Variants in ITGA4 observed in about 807,000 individuals in gnomAD.
ITGA4 encodes the protein integrin alpha-4.
ITGA4 carries 63 observed loss-of-function variants against 133.6 expected under a neutral mutation model. The observed-to-expected ratio is 0.47, with a 90% CI of 0.38 to 0.58. The LOEUF is 0.58. Among genes scored for constraint, ITGA4 ranks in the 20% least tolerant of loss-of-function variants. The pLI, the probability that ITGA4 is intolerant of heterozygous loss-of-function variation, is 0.00. For synonymous variants in ITGA4, 483 were observed against 438.0 expected, an observed-to-expected ratio of 1.10 and a Z score of -1.28; for missense variants, 1,076 against 1,252.7, an observed-to-expected ratio of 0.86 and a Z score of 2.13.
chr2:181,492,854 C>T (rs563997745), intron 10 of ITGA4, among the ~76,000 whole-genome samples: 1 of 152,168 alleles, frequency 6.6e-6, no homozygotes, highest in Non-Finnish European at 1.5e-5. Context: ...AATAAAAATT[C>T]TTATGATCAA....
At chr2:181,481,420 C>A (rs962582279) in intron 6 of ITGA4, among the ~76,000 whole-genome samples, 178 bp from the exon 7 acceptor site, 2 of 152,120 alleles carry the variant, frequency 1.3e-5, no homozygotes. Context: ...TAAAACATAT[C>A]AAAATTGCAT....
chr2:181,523,255 C>T lies in ITGA4; in HGVS notation c.2074-182C>T, dbSNP rs1042986067. The T allele has an allele frequency of 3.0e-5, 15 of 501,992 alleles. No individual in the cohort carries two copies. The highest frequency in any genetic ancestry group is 2.3e-4 in the African/African-American group (12 of 51,440). 31.1% of individuals were successfully genotyped at this position (501,992 alleles called of 1,614,324 possible). A position where few individuals can be genotyped will look rare whatever the true frequency, so the allele number is the denominator to read the frequency against. On this transcript the variant is annotated intron_variant, in intron 18 of 27. Transcript: ENST00000397033. This position sits in a 1 kb window ranked among gnomAD's most constrained non-coding sequence, Gnocchi z 4.2. ...ACATATATATACACATACATATATA[C>T]ACACATGCACACATATTTATATCAT...
At position 181,529,599 on chromosome 2, in the gene ITGA4, A is replaced by AT; in HGVS notation, c.2491dup (p.Ser831PhefsTer3). On this transcript the variant is annotated frameshift_variant, in exon 23 of 28. Coordinates refer to ENST00000397033, the MANE Select transcript of ITGA4 (RefSeq NM_000885.6). LOFTEE classifies it high-confidence loss of function. The stretch of plus-strand genomic sequence containing the variant: ...GTTAGTGTGGAAATAATGGTACCAA[A>AT]TTCTTTTAGCCCCCAAACTGATAAG... 1 of 1,610,368 alleles carries AT rather than the reference A, an allele frequency of 6.2e-7. No homozygotes were observed. Among genetic ancestry groups the AT allele is most frequent in the Non-Finnish European group, 8.5e-7 (1 of 1,176,884 alleles).
At chr2:181,506,400 T>C (rs1359060356) in intron 15 of ITGA4, among the ~76,000 whole-genome samples, 2 of 152,112 alleles carry the variant, frequency 1.3e-5, no homozygotes, top group Non-Finnish European at 2.9e-5. Context: ...ATTGTTATTA[T>C]TCCTATTTTC....
At chr2:181,461,702 A>G (rs1296628945) in intron 2 of ITGA4, among the ~76,000 whole-genome samples, 1 of 152,194 alleles carries the variant, frequency 6.6e-6, no homozygotes, top group Non-Finnish European at 1.5e-5. Context: ...TTATTCAAAT[A>G]TGTTTCCAGA....
Position 181,478,811 on chromosome 2 carries a change from GT to G in ITGA4, c.616del (p.Tyr206ThrfsTer5). 2 of 1,465,800 alleles carry G rather than the reference GT, an allele frequency of 1.4e-6. No individual in the cohort carries two copies. The highest frequency in any genetic ancestry group is 9.2e-7 in the Non-Finnish European group (1 of 1,090,146). 90.8% of individuals were successfully genotyped at this position (1,465,800 alleles called of 1,614,324 possible). A position where few individuals can be genotyped will look rare whatever the true frequency, so the allele number is the denominator to read the frequency against. ...NFASCQAGIS[S>X]FYTKDLIVMG... ...GCATCATGTCAAGCTGGAATATCCAGTTTTTACACAAAGGTAATTGTTCAAA... is the reference window on the plus strand; with the variant it reads ...GCATCATGTCAAGCTGGAATATCCAGTTTTACACAAAGGTAATTGTTCAAA... On this transcript the variant is annotated frameshift_variant, in exon 5 of 28. Coordinates refer to ENST00000397033, the MANE Select transcript of ITGA4 (RefSeq NM_000885.6). LOFTEE classifies it high-confidence loss of function.
At chr2:181,488,671 G>A (rs755683522) in intron 10 of ITGA4, among the ~76,000 whole-genome samples, 1 of 151,786 alleles carries the variant, frequency 6.6e-6, no homozygotes, top group Admixed American at 6.6e-5. Flanking sequence ...CCATTCTCCT[G>A]CCTCAGCCTC....
At chr2:181,475,881 A>G in intron 4 of ITGA4, 3 of 1,593,730 alleles carry the variant, frequency 1.9e-6, no homozygotes, top group South Asian at 1.1e-5. Flanking sequence ...GGTGAATGTC[A>G]ACAGAGCATG....
At chr2:181,500,879 TATG>T (rs1187897776) in intron 15 of ITGA4, among the ~76,000 whole-genome samples, 1 of 151,974 alleles carries the variant, frequency 6.6e-6, no homozygotes, top group Non-Finnish European at 1.5e-5. Flanking sequence ...AAAAAAATAA[TATG>T]ATAAAAATAT....
chr2:181,495,526 A>G lies in ITGA4; in HGVS notation c.1385+110A>G, dbSNP rs1339036120. 3.6e-6 allele frequency: 3 copies of G among 835,992 alleles called. No homozygotes were observed. The highest frequency in any genetic ancestry group is 1.7e-5 in the African/African-American group (1 of 59,016). The allele number at this position is 835,992 out of a possible 1,614,324, so 51.8% of individuals were successfully genotyped here. A position where few individuals can be genotyped will look rare whatever the true frequency, so the allele number is the denominator to read the frequency against. On this transcript the variant is annotated intron_variant, in intron 13 of 27. Transcript: ENST00000397033. This position sits in a 1 kb window ranked among gnomAD's most constrained non-coding sequence, Gnocchi z 4.3. ...AGTGACCTCATGATGCTCTTTTGGT[A>G]TTCTGAAGCTTAATTATTGATTTTT...
chr2:181,457,961 G>A, intron 1 of ITGA4, 110 bp downstream of exon 1: 2 of 1,191,338 alleles, frequency 1.7e-6, no homozygotes, highest in South Asian at 1.5e-5. Context: ...GGAGGCAGGA[G>A]GGAAACGCTG....
chr2:181,517,794 T>C (rs1686636626), intron 17 of ITGA4, among the ~76,000 whole-genome samples: 1 of 152,026 alleles, frequency 6.6e-6, no homozygotes, highest in South Asian at 2.1e-4. Flanking sequence ...ATGTGAACAT[T>C]GTGTTTCTCT....
intron 21 of ITGA4, among the ~76,000 whole-genome samples, chr2:181,526,375 G>T (rs1686830398): frequency 6.6e-6 from 1 of 152,020 alleles, no homozygotes; most frequent in Non-Finnish European, 1.5e-5. Flanking sequence ...TTTCTAATTT[G>T]GTATTACCTA....
chr2:181,534,360 A>T lies in ITGA4; in HGVS notation c.2873A>T (p.Asn958Ile). The T allele has an allele frequency of 1.3e-6, 2 of 1,570,886 alleles. No homozygotes were observed. Among genetic ancestry groups the T allele is most frequent in the Non-Finnish European group, 1.8e-6 (2 of 1,141,398 alleles). The stretch of plus-strand genomic sequence containing the variant: ...GTAATTGAACTAAACAAGGATGAGA[A>T]TGTTGCGCATGTAAGATTACCCTCT... ...PRVIELNKDE[N>I]VAHVLLEGLH... Residue 958 changes from asparagine to isoleucine, a missense_variant, in exon 26 of 28, where the codon AAT becomes ATT. Physicochemically the swap from Asn to Ile is moderately radical, Grantham distance 149 (BLOSUM62 -3). This residue lies in a region of ITGA4 where 193 missense variants were observed against 172.3 expected (regional missense o/e 1.12). Coordinates refer to ENST00000397033, the MANE Select transcript of ITGA4 (RefSeq NM_000885.6).
chr2:181,503,688 G>A (rs1574400858), intron 15 of ITGA4, among the ~76,000 whole-genome samples: 1 of 149,684 alleles, frequency 6.7e-6, no homozygotes, highest in Non-Finnish European at 1.5e-5. Flanking sequence ...TAATGAGTTA[G>A]AATGATATTT....
chr2:181,535,347 TAACTGCTTAGATATTAG>T, intron 27 of ITGA4, 68 bp from the exon 28 acceptor site: 1 of 1,039,624 alleles, frequency 9.6e-7, no homozygotes, highest in Non-Finnish European at 1.4e-6. Flanking sequence ...ATATTGGTGT[TAACTGCTTAGATATTAG>T]AAATGAGTAT....
chr2:181,492,251 C>G (rs1686064152), intron 10 of ITGA4, among the ~76,000 whole-genome samples: 1 of 150,842 alleles, frequency 6.6e-6, no homozygotes, highest in Admixed American at 6.6e-5. Context: ...CTTTGTATGT[C>G]TAAACAAAGT....
chr2:181,531,146 AT>A (rs977497371), intron 24 of ITGA4, among the ~76,000 whole-genome samples: 1 of 151,992 alleles, frequency 6.6e-6, no homozygotes, highest in African/African-American at 2.4e-5. Flanking sequence ...ATACAGTTTC[AT>A]TTTTTTATCT....
rs1687119497 is a variant in ITGA4, at chr2:181,536,706, T to TCATACTATATGAGGTTCTATTTTAA, written c.*1180_*1204dup. On this transcript the variant is annotated 3_prime_UTR_variant, in exon 28 of 28. Coordinates refer to ENST00000397033, the MANE Select transcript of ITGA4 (RefSeq NM_000885.6). ...AATGTAAAATATTTTTATAGTTTGT[T>TCATACTATATGAGGTTCTATTTTAA]CATACTATATGAGGTTCTATTTTAA... 1 of 189,364 alleles carries TCATACTATATGAGGTTCTATTTTAA rather than the reference T, an allele frequency of 5.3e-6. No individual in the cohort carries two copies. 11.7% of individuals were successfully genotyped at this position (189,364 alleles called of 1,614,324 possible). A position where few individuals can be genotyped will look rare whatever the true frequency, so the allele number is the denominator to read the frequency against.
Sources: gnomAD v4.1 joint callset for allele counts (sites outside exome capture counted in the v4.1 genomes callset) on GRCh38, gnomAD v4.1.1 for gene constraint, gnomAD v4.1.1 regional missense constraint, Gnocchi (gnomAD v3.1) non-coding constraint, MANE v1.5 for transcripts, NCBI Gene and HGNC (gene_info 2026-07-23, HGNC 2026-07-21) for gene names.